Variants in THSD7A observed in about 807,000 individuals in gnomAD.
The protein encoded by THSD7A is thrombospondin type-1 domain-containing protein 7A.
In THSD7A, 96 loss-of-function variants were observed where a neutral mutation model predicts 231.3. That is an observed-to-expected ratio of 0.41 (90% confidence interval 0.35 to 0.49). The LOEUF is 0.49. Ranked by LOEUF, THSD7A falls within the 20% of genes least tolerant of loss-of-function variation. The pLI, the probability that THSD7A is intolerant of heterozygous loss-of-function variation, is 0.05. For missense variants in THSD7A, 2,290 were observed against 2,070.2 expected (o/e 1.11, Z -2.06); for synonymous variants, 940 against 743.3 (o/e 1.26, Z -4.30).
At position 11,379,056 on chromosome 7, in the gene THSD7A, T is replaced by C. The variant is rs1483229631; in HGVS notation, c.4801+14A>G. Reference sequence around the variant, plus strand: ...CTAAAGGTTTCTCTTTCAACACTAGTCTAGTCAGTTCACCTGGCCCAAATG... The same window carrying C: ...CTAAAGGTTTCTCTTTCAACACTAGCCTAGTCAGTTCACCTGGCCCAAATG... On this transcript the variant is annotated intron_variant, in intron 26 of 27. Coordinates refer to ENST00000423059, the MANE Select transcript of THSD7A (RefSeq NM_015204.3). 2 of 1,612,002 alleles carry C rather than the reference T, an allele frequency of 1.2e-6. No individual in the cohort carries two copies. The highest frequency in any genetic ancestry group is 1.7e-6 in the Non-Finnish European group (2 of 1,179,252).
At chr7:11,620,148 T>C (rs149037448) in intron 2 of THSD7A, among the ~76,000 whole-genome samples, 2,988 of 152,310 alleles carry the variant, frequency 0.02, 50 homozygotes, top group South Asian at 0.042. Context: ...CCTCTACAAA[T>C]GCCCTAAATT....
rs569898979 is a variant in THSD7A, at chr7:11,474,277, G to C, written c.2252+57C>G. 1.6e-4 allele frequency: 228 copies of C among 1,439,002 alleles called. No homozygotes were observed. In the East Asian group the frequency reaches 2.5e-3, roughly 16 times the overall value. The allele number at this position is 1,439,002 out of a possible 1,614,324, so 89.1% of individuals were successfully genotyped here. A position where few individuals can be genotyped will look rare whatever the true frequency, so the allele number is the denominator to read the frequency against. Reference sequence around the variant, plus strand: ...ATTTCATGAAGCCAGTGAAGCCTGAGCCAATCCTCTGCACAGGTGGCTACA... The same window carrying C: ...ATTTCATGAAGCCAGTGAAGCCTGACCCAATCCTCTGCACAGGTGGCTACA... On this transcript the variant is annotated intron_variant, in intron 8 of 27. Coordinates refer to ENST00000423059, the MANE Select transcript of THSD7A (RefSeq NM_015204.3). The surrounding 1 kb of genome is among the most constrained non-coding windows in gnomAD (Gnocchi z 4.1).
intron 6 of THSD7A, among the ~76,000 whole-genome samples, chr7:11,507,463 T>C (rs1787600374): frequency 6.6e-6 from 1 of 152,160 alleles, no homozygotes; most frequent in African/African-American, 2.4e-5. Flanking sequence ...TTCATGATTC[T>C]GCTTTATTCT....
chr7:11,403,302 A>G (rs1162655975), intron 22 of THSD7A, among the ~76,000 whole-genome samples: 1 of 152,222 alleles, frequency 6.6e-6, no homozygotes, highest in African/African-American at 2.4e-5. Context: ...CTGGTAAGAC[A>G]TGAATTATTG....
rs955199787 is a variant in THSD7A at position 11,544,340 on chromosome 7, G to GA, written c.1454-1224dup. Among the ~76,000 whole-genome samples, 269 of 145,408 alleles carry GA rather than the reference G, an allele frequency of 1.8e-3. 2 individuals are homozygous for GA. The highest frequency in any genetic ancestry group is 3.1e-3 in the Non-Finnish European group (202 of 65,892). ...CTGGCAACAGAGCGAGACACAGTCG[G>GA]AAAAAAAAAAAGTCATTTTCTTGGT... is the stretch of plus-strand genomic sequence containing the variant. On this transcript the variant is annotated intron_variant, in intron 4 of 27. Transcript: ENST00000423059.
At chr7:11,589,439 T>C (rs539650844) in intron 4 of THSD7A, among the ~76,000 whole-genome samples, 3 of 152,290 alleles carry the variant, frequency 2.0e-5, no homozygotes, top group East Asian at 1.9e-4. Context: ...TCTGTCGTCA[T>C]TGAGCTCAAG....
At chr7:11,718,132 T>C (rs1480646085) in intron 1 of THSD7A, among the ~76,000 whole-genome samples, 1 of 151,680 alleles carries the variant, frequency 6.6e-6, no homozygotes, top group Non-Finnish European at 1.5e-5. Context: ...GCATGCTGCA[T>C]CCTCTCTTGA....
chr7:11,447,083 T>G, intron 12 of THSD7A, 147 bp downstream of exon 12: 1 of 780,148 alleles, frequency 1.3e-6, no homozygotes, highest in Non-Finnish European at 2.0e-6. Context: ...CATAATGCTT[T>G]TATCACTGCC....
chr7:11,591,363 C>A (rs907012648), intron 3 of THSD7A, among the ~76,000 whole-genome samples: 5 of 152,058 alleles, frequency 3.3e-5, no homozygotes, highest in Admixed American at 3.3e-4. Context: ...AAATATTTCT[C>A]GATGCCACCG....
At chr7:11,458,566 C>G (rs997390926) in intron 11 of THSD7A, among the ~76,000 whole-genome samples, 2 of 151,984 alleles carry the variant, frequency 1.3e-5, no homozygotes, top group Non-Finnish European at 2.9e-5. Flanking sequence ...AGTTGTTTGA[C>G]AAATATGCCA....
chr7:11,666,294 T>C lies in THSD7A; in HGVS notation c.191-29333A>G, dbSNP rs567633613. Among the ~76,000 whole-genome samples the C allele has an allele frequency of 2.0e-5, 3 of 152,236 alleles. No homozygotes were observed. The South Asian group carries it at 6.2e-4, about 32-fold the overall frequency. On this transcript the variant is annotated intron_variant, in intron 1 of 27. Coordinates refer to ENST00000423059, the MANE Select transcript of THSD7A (RefSeq NM_015204.3). ...TCTAAACATGAAATACATTAATGTTTCATATACACCTTATACATATAGACT... is the reference window on the plus strand; with the variant it reads ...TCTAAACATGAAATACATTAATGTTCCATATACACCTTATACATATAGACT...
In THSD7A at chr7:11,543,073, T is replaced by C. The variant is rs2128323280; in HGVS notation, c.1498A>G (p.Asn500Asp). Residue 500 changes from asparagine to aspartate, a missense_variant, in exon 5 of 28, where the codon AAT (asparagine) becomes GAT (aspartate). By Grantham distance (23) the Asn-to-Asp change is conservative. Transcript: ENST00000423059. ...DLKLCTGPIPNTTQLCHIPCP... is the reference protein window; with the variant it reads ...DLKLCTGPIPDTTQLCHIPCP... ...GGAATGTGGCACAGCTGTGTAGTAT[T>C]AGGGATAGGTCCAGTGCATAATTTT... is the stretch of plus-strand genomic sequence containing the variant. 6.2e-7 allele frequency: 1 copy of C among 1,613,828 alleles called. No individual in the cohort carries two copies. The highest frequency in any genetic ancestry group is 1.1e-5 in the South Asian group (1 of 91,084).
intron 2 of THSD7A, among the ~76,000 whole-genome samples, chr7:11,626,056 G>C (rs1781464696): frequency 6.6e-6 from 1 of 152,106 alleles, no homozygotes; most frequent in Non-Finnish European, 1.5e-5. Flanking sequence ...CTTATTTCAA[G>C]TTCATGTGGA....
chr7:11,415,974 G>C (rs73675997), intron 17 of THSD7A, among the ~76,000 whole-genome samples: 2,778 of 152,234 alleles, frequency 0.018, 72 homozygotes, highest in African/African-American at 0.06. Flanking sequence ...GAGTCTCTCT[G>C]AACCTGTTCT....
At chr7:11,510,509 G>T (rs10243375) in intron 6 of THSD7A, among the ~76,000 whole-genome samples, 1 of 151,990 alleles carries the variant, frequency 6.6e-6, no homozygotes, top group African/African-American at 2.4e-5. Context: ...GAGGAACATC[G>T]ATGAAAAAAT....
chr7:11,503,721 C>T (rs1787431520), intron 6 of THSD7A, among the ~76,000 whole-genome samples: 2 of 152,176 alleles, frequency 1.3e-5, no homozygotes, highest in Non-Finnish European at 2.9e-5. Context: ...CTCAATATCA[C>T]TGATCATTAG....
At chr7:11,750,110 G>C (rs1583255509) in intron 1 of THSD7A, among the ~76,000 whole-genome samples, 1 of 151,192 alleles carries the variant, frequency 6.6e-6, no homozygotes, top group Non-Finnish European at 1.5e-5. Context: ...TTTACAGGGA[G>C]CCACAATTCT....
chr7:11,386,060 G>A (rs1222245796), intron 23 of THSD7A, among the ~76,000 whole-genome samples: 1 of 152,104 alleles, frequency 6.6e-6, no homozygotes, highest in Non-Finnish European at 1.5e-5. Flanking sequence ...CCTTTTTTAT[G>A]GATGTATAAT....
intron 1 of THSD7A, among the ~76,000 whole-genome samples, chr7:11,713,149 C>T (rs1289230814): frequency 6.6e-6 from 1 of 151,178 alleles, no homozygotes; most frequent in Non-Finnish European, 1.5e-5. Flanking sequence ...CACAGTTCTG[C>T]ATAGCACATT....
Sources: gnomAD v4.1 joint callset for allele counts (sites outside exome capture counted in the v4.1 genomes callset) on GRCh38, gnomAD v4.1.1 for gene constraint, Gnocchi (gnomAD v3.1) non-coding constraint, MANE v1.5 for transcripts, NCBI Gene and HGNC (gene_info 2026-07-23, HGNC 2026-07-21) for gene names.